Variants in C3orf49 observed in about 807,000 individuals in gnomAD.
C3orf49 encodes the protein putative uncharacterized protein C3orf49.
C3orf49 carries 27 observed loss-of-function variants against 13.3 expected under a neutral mutation model. The ratio of observed to expected loss-of-function variants is 2.02; its 90% CI spans 1.49 to 2.79. The LOEUF (loss-of-function observed/expected upper bound fraction) is 2.79. Ranked by LOEUF, C3orf49 falls within the 30% of genes most tolerant of loss-of-function variation. The probability of loss-of-function intolerance (pLI) is 0.00; values close to 1 mark genes in which losing one functional copy is unlikely to be tolerated. For missense variants in C3orf49, 242 were observed against 134.2 expected, an observed-to-expected ratio of 1.80 and a Z score of -3.97; for synonymous variants, 87 against 47.6, an observed-to-expected ratio of 1.83 and a Z score of -3.40.
At chr3:63,806,636 G>A in the C3orf49 span, among the ~76,000 whole-genome samples, 10 of 152,176 alleles carry the variant, frequency 6.6e-5, no homozygotes, top group South Asian at 2.1e-3. Flanking sequence ...TCATATGCTC[G>A]TTGCAATTAT....
At chr3:63,825,738 T>C (rs1384418513) in intron 2 of C3orf49, among the ~76,000 whole-genome samples, 2 of 152,254 alleles carry the variant, frequency 1.3e-5, no homozygotes, top group Non-Finnish European at 2.9e-5. Context: ...GTACTTATTA[T>C]ATGACAGCCA....
At chr3:63,813,404 G>C in the C3orf49 span, among the ~76,000 whole-genome samples, 1 of 152,114 alleles carries the variant, frequency 6.6e-6, no homozygotes, top group Non-Finnish European at 1.5e-5. Flanking sequence ...TTCCAGTGGG[G>C]TACAGCCCAG....
chr3:63,834,290 G>T, intron 5 of C3orf49: 1 of 1,262,972 alleles, frequency 7.9e-7, no homozygotes, highest in Non-Finnish European at 1.1e-6. Flanking sequence ...TCCTTTATTA[G>T]CCAATACAAT....
chr3:63,802,473 A>T, the C3orf49 span, among the ~76,000 whole-genome samples: 1 of 152,326 alleles, frequency 6.6e-6, no homozygotes, highest in South Asian at 2.1e-4. Context: ...TTTAGCCTTT[A>T]TCTGCAGGTG....
intron 2 of C3orf49, chr3:63,826,863 G>A (rs1217018777): frequency 6.6e-6 from 1 of 151,948 alleles, no homozygotes; most frequent in East Asian, 1.9e-4. Context: ...GCAGGAGAAT[G>A]GCCTGAACCC....
chr3:63,811,706 T>C, the C3orf49 span, among the ~76,000 whole-genome samples: 2 of 151,754 alleles, frequency 1.3e-5, no homozygotes, highest in African/African-American at 4.8e-5. Flanking sequence ...AGACCCCTTC[T>C]CTAGAATAAA....
In C3orf49 at chr3:63,823,310, A is replaced by G. The variant is rs769399443; in HGVS notation, c.186A>G (p.Glu62=). The part of the protein sequence containing the change: ...LKQNVLVPKE[E]SSSDSDMGFH... ...AAAATGTATTGGTCCCTAAAGAGGA[A>G]TCATCCAGTGATAGTGACATGGGAT... The change falls in exon 2 of 7, where the codon GAA becomes GAG. Residue 62 remains glutamate, a synonymous_variant. Transcript: ENST00000295896. 3 of 703,128 alleles carry G rather than the reference A, an allele frequency of 4.3e-6. No individual in the cohort carries two copies. Among genetic ancestry groups the G allele is most frequent in the Admixed American group, 2.0e-5 (1 of 50,026 alleles). The allele number at this position is 703,128 out of a possible 1,614,324, so 43.6% of individuals were successfully genotyped here. A position where few individuals can be genotyped will look rare whatever the true frequency, so the allele number is the denominator to read the frequency against.
chr3:63,819,018 T>G (rs961017609), upstream of C3orf49, among the ~76,000 whole-genome samples: 1 of 152,230 alleles, frequency 6.6e-6, no homozygotes, highest in Non-Finnish European at 1.5e-5. Context: ...GTATCGTTGG[T>G]ATTCCTATAG....
At chr3:63,787,462 A>G in the C3orf49 span, among the ~76,000 whole-genome samples, 1 of 152,172 alleles carries the variant, frequency 6.6e-6, no homozygotes, top group African/African-American at 2.4e-5. Context: ...ACAGTTGTCA[A>G]CAACTGTTTG....
intron 5 of C3orf49, among the ~76,000 whole-genome samples, chr3:63,843,597 T>A (rs1017312373): frequency 6.6e-6 from 1 of 152,004 alleles, no homozygotes; most frequent in Non-Finnish European, 1.5e-5. Context: ...TACCAACAGA[T>A]GAATGAATTA....
intron 5 of C3orf49, chr3:63,835,060 T>C: frequency 5.6e-6 from 7 of 1,244,454 alleles, no homozygotes; most frequent in Non-Finnish European, 7.9e-6. Context: ...ATTGAAGGTA[T>C]ACTGTCTCTC....
At chr3:63,833,270 A>T (rs1235473695) in intron 5 of C3orf49, among the ~76,000 whole-genome samples, 1 of 151,170 alleles carries the variant, frequency 6.6e-6, no homozygotes, top group East Asian at 1.9e-4. Flanking sequence ...CTAATTTTGT[A>T]TTTTTTTTAG....
chr3:63,846,420 T>G (rs944588508), intron 6 of C3orf49, among the ~76,000 whole-genome samples: 2 of 152,154 alleles, frequency 1.3e-5, no homozygotes, highest in Non-Finnish European at 2.9e-5. Flanking sequence ...AATTTTTATT[T>G]TTTTTAGACG....
chr3:63,845,027 C>A lies in C3orf49; in HGVS notation c.854C>A (p.Thr285Asn), dbSNP rs1312532315. Residue 285 changes from threonine to asparagine, a missense_variant, in exon 6 of 7, where the codon ACC becomes AAC. Coordinates refer to ENST00000295896, the MANE Select transcript of C3orf49 (RefSeq NM_001355236.2). ...TMRKYKLKNMTTKGPGDS is the reference protein window; with the variant it reads ...TMRKYKLKNMNTKGPGDS ...TGTAATTTTGTCTCTTGACAGATGA[C>A]CACAAAAGGACCTGGAGACAGCTGA... 2 of 697,398 alleles carry A rather than the reference C, an allele frequency of 2.9e-6. No individual in the cohort carries two copies. The highest frequency in any genetic ancestry group is 2.3e-4 in the Middle Eastern group (1 of 4,338). 43.2% of individuals were successfully genotyped at this position (697,398 alleles called of 1,614,324 possible).
intron 4 of C3orf49, 46 bp downstream of exon 4, chr3:63,831,269 G>A (rs1308006030): frequency 8.7e-6 from 6 of 691,814 alleles, no homozygotes; most frequent in Non-Finnish European, 5.2e-6. Context: ...AAGCATCAGA[G>A]AGCCAGGCTT....
intron 1 of C3orf49, 118 bp from the exon 2 acceptor site, chr3:63,823,132 A>ATTTTTTT: frequency 1.9e-6 from 1 of 519,006 alleles, no homozygotes; most frequent in Non-Finnish European, 3.4e-6. Context: ...CTTCAATTTC[A>ATTTTTTT]TTTTTTTTTT....
upstream of C3orf49, among the ~76,000 whole-genome samples, chr3:63,817,658 C>A (rs770373615): frequency 4.6e-5 from 7 of 152,134 alleles, no homozygotes; most frequent in African/African-American, 7.2e-5. Flanking sequence ...TACTCTAACT[C>A]TTTCCCCACC....
At chr3:63,810,422 T>TTA in the C3orf49 span, among the ~76,000 whole-genome samples, 1 of 152,210 alleles carries the variant, frequency 6.6e-6, no homozygotes, top group Non-Finnish European at 1.5e-5. Flanking sequence ...AGTAGGCACT[T>TTA]AATAGAGATT....
intron 2 of C3orf49, among the ~76,000 whole-genome samples, chr3:63,826,243 G>C (rs962383219): frequency 6.6e-6 from 1 of 152,204 alleles, no homozygotes; most frequent in African/African-American, 2.4e-5. Context: ...ATTCTTAAAA[G>C]ATAGCTTTGG....
Sources: allele counts gnomAD v4.1 joint callset (sites outside exome capture counted in the v4.1 genomes callset), GRCh38; gene constraint gnomAD v4.1.1; transcripts MANE v1.5; gene names NCBI Gene and HGNC (gene_info 2026-07-23, HGNC 2026-07-21).